The following MFAP3L variants were observed in gnomAD, a reference collection of about 807,000 sequenced individuals.
MFAP3L encodes the protein microfibrillar-associated protein 3-like.
A neutral mutation model predicts 20.0 loss-of-function variants in MFAP3L; 5 were observed. The ratio of observed to expected loss-of-function variants is 0.25; its 90% CI spans 0.13 to 0.53. MFAP3L has a LOEUF of 0.53. Ranked by LOEUF, MFAP3L falls within the 20% of genes least tolerant of loss-of-function variation. MFAP3L has a pLI of 0.96. For missense variants in MFAP3L, 409 were observed against 527.5 expected, an observed-to-expected ratio of 0.78 and a Z score of 2.20; for synonymous variants, 219 against 213.0, an observed-to-expected ratio of 1.03 and a Z score of -0.25.
At position 169,992,351 on chromosome 4, in the gene MFAP3L, G is replaced by T; in HGVS notation, c.299-42C>A. ...AAGAGAATTCAACCAAGGACACAGA[G>T]CTCCCATGACTACAAACTGATACGT... On this transcript the variant is annotated intron_variant, in intron 2 of 2. Coordinates refer to ENST00000361618, the MANE Select transcript of MFAP3L (RefSeq NM_021647.8). This position sits in a 1 kb window ranked among gnomAD's most constrained non-coding sequence, Gnocchi z 4.3. 1 of 1,499,836 alleles carries T rather than the reference G, an allele frequency of 6.7e-7. No homozygotes were observed. Among genetic ancestry groups the T allele is most frequent in the Non-Finnish European group, 9.1e-7 (1 of 1,096,210 alleles). The allele number at this position is 1,499,836 out of a possible 1,614,324, so 92.9% of individuals were successfully genotyped here.
intron 2 of MFAP3L, among the ~76,000 whole-genome samples, chr4:169,998,196 G>A (rs1314245121): frequency 6.6e-6 from 1 of 152,226 alleles, no homozygotes; most frequent in Non-Finnish European, 1.5e-5. Flanking sequence ...CACGTGGTAT[G>A]GCCCAATGTC....
rs201584452 is a variant in MFAP3L, at chr4:169,991,609, T to C, written c.999A>G (p.Gln333=). 48 of 1,614,080 alleles carry C rather than the reference T, an allele frequency of 3.0e-5. No individual in the cohort carries two copies. The Middle Eastern group carries it at 6.6e-4, about 22-fold the overall frequency. Residue 333 remains glutamine (Q), a synonymous_variant, in exon 3 of 3, where the codon CAA becomes CAG. Transcript: ENST00000361618. The surrounding 1 kb of genome is among the most constrained non-coding windows in gnomAD (Gnocchi z 4.9). Reference sequence around the variant, plus strand: ...CTTTGACTTCAAACTGTCCACCCTCTTGGTCATCTGCATGCTCTTTTTTGG... The same window carrying C: ...CTTTGACTTCAAACTGTCCACCCTCCTGGTCATCTGCATGCTCTTTTTTGG... ...PQSKKEHADD[Q]EGGQFEVKDV...
At chr4:170,017,637 T>C (rs1029540343) in intron 1 of MFAP3L, among the ~76,000 whole-genome samples, 28 of 152,232 alleles carry the variant, frequency 1.8e-4, no homozygotes, top group African/African-American at 6.8e-4. Context: ...TTGTAGCTAA[T>C]TATTTTAAAA....
intron 2 of MFAP3L, among the ~76,000 whole-genome samples, chr4:169,996,521 C>G (rs751744085): frequency 6.6e-6 from 1 of 152,024 alleles, no homozygotes; most frequent in Non-Finnish European, 1.5e-5. Flanking sequence ...CTGAAGGGGA[C>G]AGAGAGCAAG....
In MFAP3L at chr4:169,991,552, A is replaced by C; in HGVS notation, c.1056T>G (p.His352Gln). The C allele has an allele frequency of 6.2e-7, 1 of 1,614,106 alleles. No individual in the cohort carries two copies. The highest frequency in any genetic ancestry group is 8.5e-7 in the Non-Finnish European group (1 of 1,180,030). Residue 352 changes from histidine to glutamine, a missense_variant, in exon 3 of 3, where the codon CAT becomes CAG. His to Gln is a conservative substitution (Grantham distance 24). This residue lies in a region of MFAP3L where 169 missense variants were observed against 178.2 expected (regional missense o/e 0.95). Transcript: ENST00000361618. This position sits in a 1 kb window ranked among gnomAD's most constrained non-coding sequence, Gnocchi z 4.9. ...DVEETELSAE[H>Q]SPETAEPSTD... Reference sequence around the variant, plus strand: ...TAGAAGGTTCTGCAGTTTCGGGGGAATGTTCCGCCGACAGTTCTGTCTCCT... The same window carrying C: ...TAGAAGGTTCTGCAGTTTCGGGGGACTGTTCCGCCGACAGTTCTGTCTCCT...
intron 2 of MFAP3L, among the ~76,000 whole-genome samples, chr4:169,995,650 G>A (rs1007112860): frequency 1.3e-5 from 2 of 152,124 alleles, no homozygotes; most frequent in Non-Finnish European, 2.9e-5. Flanking sequence ...TTCTAGAAGG[G>A]TCCCGACTTC....
chr4:170,021,079 C>T (rs891577623), intron 1 of MFAP3L, among the ~76,000 whole-genome samples: 4 of 151,844 alleles, frequency 2.6e-5, no homozygotes, highest in Admixed American at 1.3e-4. Context: ...ACAAGAGACC[C>T]GGGTTAGAAC....
chr4:169,994,875 A>G (rs1738021164), intron 2 of MFAP3L: 1 of 152,220 alleles, frequency 6.6e-6, no homozygotes, highest in Non-Finnish European at 1.5e-5. Flanking sequence ...GAAAGTTTTA[A>G]GCCCAGTCAT....
rs558573167 is a variant in MFAP3L at position 170,003,580 on chromosome 4, C to T, written c.298+2000G>A. 2.3e-5 allele frequency: 14 copies of T among 598,036 alleles called. No individual in the cohort carries two copies. The South Asian group carries it at 9.5e-4, about 41-fold the overall frequency. The allele number at this position is 598,036 out of a possible 1,614,324, so 37.0% of individuals were successfully genotyped here. ...CGAAATGTTGGAACTGAAATTCAGG[C>T]CCCAGTGCTATGCTATTCCCACAGT... On this transcript the variant is annotated intron_variant, in intron 2 of 2. Coordinates refer to ENST00000361618, the MANE Select transcript of MFAP3L (RefSeq NM_021647.8).
chr4:170,006,984 A>ATCTAAC (rs1484288207), intron 1 of MFAP3L: 2 of 152,188 alleles, frequency 1.3e-5, no homozygotes, highest in Non-Finnish European at 2.9e-5. Flanking sequence ...GGTTGGCGGC[A>ATCTAAC]CTTCTATGTC....
chr4:169,994,006 T>C (rs1737944188), intron 2 of MFAP3L, among the ~76,000 whole-genome samples: 2 of 152,190 alleles, frequency 1.3e-5, no homozygotes, highest in South Asian at 4.1e-4. Context: ...TTTTCAAATA[T>C]ACAATGACCT....
At chr4:170,007,930 G>A (rs1436173455) in intron 1 of MFAP3L, among the ~76,000 whole-genome samples, 1 of 152,138 alleles carries the variant, frequency 6.6e-6, no homozygotes, top group African/African-American at 2.4e-5. Flanking sequence ...CCCAGTTAAA[G>A]AAAATGCCAC....
At chr4:170,022,499 T>C (rs915548057) in intron 1 of MFAP3L, among the ~76,000 whole-genome samples, 38 of 152,204 alleles carry the variant, frequency 2.5e-4, no homozygotes, top group African/African-American at 8.2e-4. Flanking sequence ...TATTAGTCCA[T>C]TGCACCAAAC....
intron 1 of MFAP3L, among the ~76,000 whole-genome samples, chr4:170,010,809 G>A (rs1428224254): frequency 1.5e-5 from 2 of 133,428 alleles, no homozygotes; most frequent in African/African-American, 2.6e-5. Context: ...ACTGCATTGC[G>A]GGGGGGTGGG....
In MFAP3L at chr4:170,026,378, C is replaced by G; in HGVS notation, c.-278G>C. The G allele has an allele frequency of 3.9e-6, 3 of 764,720 alleles. No individual in the cohort carries two copies. The highest frequency in any genetic ancestry group is 4.8e-6 in the Non-Finnish European group (3 of 629,456). The allele number at this position is 764,720 out of a possible 1,614,324, so 47.4% of individuals were successfully genotyped here. A position where few individuals can be genotyped will look rare whatever the true frequency, so the allele number is the denominator to read the frequency against. Reference sequence around the variant, plus strand: ...CCTCCGCCGGCGCCTCACAGCGTTGCGAGCTGCGCCGCCGGCTGCCGGGAG... The same window carrying G: ...CCTCCGCCGGCGCCTCACAGCGTTGGGAGCTGCGCCGCCGGCTGCCGGGAG... On this transcript the variant is annotated 5_prime_UTR_variant, in exon 1 of 3. Coordinates refer to ENST00000361618, the MANE Select transcript of MFAP3L (RefSeq NM_021647.8).
At position 169,988,467 on chromosome 4, in the gene MFAP3L, C is replaced by A. The variant is rs1275358384; in HGVS notation, c.*2911G>T. ...GATTTTACAAACGACTACATACGAC[C>A]CAAAGGACGAGGCTTTGGATTTAGT... On this transcript the variant is annotated 3_prime_UTR_variant, in exon 3 of 3. Coordinates refer to ENST00000361618, the MANE Select transcript of MFAP3L (RefSeq NM_021647.8). 1 of 152,138 alleles carries A rather than the reference C, an allele frequency of 6.6e-6. No homozygotes were observed. Among genetic ancestry groups the A allele is most frequent in the Non-Finnish European group, 1.5e-5 (1 of 68,024 alleles). 9.4% of individuals were successfully genotyped at this position (152,138 alleles called of 1,614,324 possible).
At chr4:170,003,786 G>C in intron 2 of MFAP3L, 1 of 985,436 alleles carries the variant, frequency 1.0e-6, no homozygotes, top group Non-Finnish European at 1.2e-6. Flanking sequence ...ACCTGCTAAG[G>C]TACCTGGCCT....
chr4:170,008,952 A>C (rs1480352609), intron 1 of MFAP3L, among the ~76,000 whole-genome samples: 1 of 152,252 alleles, frequency 6.6e-6, no homozygotes. Context: ...TATGGAATCC[A>C]ACGGCAATTA....
At chr4:170,006,114 ACTTT>A in intron 1 of MFAP3L, 104 bp from the exon 2 acceptor site, 4 of 821,678 alleles carry the variant, frequency 4.9e-6, no homozygotes, top group Non-Finnish European at 6.5e-6. Flanking sequence ...ACATCAACAT[ACTTT>A]TTTTTTTTTT....
Sources: gnomAD v4.1 joint callset for allele counts (sites outside exome capture counted in the v4.1 genomes callset) on GRCh38, gnomAD v4.1.1 for gene constraint, gnomAD v4.1.1 regional missense constraint, Gnocchi (gnomAD v3.1) non-coding constraint, MANE v1.5 for transcripts, NCBI Gene and HGNC (gene_info 2026-07-23, HGNC 2026-07-21) for gene names.